The following BPNT2 variants were observed in gnomAD, a reference collection of about 807,000 sequenced individuals.
BPNT2 encodes Golgi-resident adenosine 3',5'-bisphosphate 3'-phosphatase.
Under a neutral mutation model 29.3 loss-of-function variants are expected in BPNT2, and 11 were observed. The ratio of observed to expected loss-of-function variants is 0.38; its 90% CI spans 0.24 to 0.62. The LOEUF is 0.62. BPNT2 is among the 20% of genes least tolerant of loss of function. The pLI, the probability that BPNT2 is intolerant of heterozygous loss-of-function variation, is 0.62. For synonymous variants in BPNT2, 195 were observed against 187.7 expected (o/e 1.04, Z -0.32); for missense variants, 459 against 473.4 (o/e 0.97, Z 0.28).
chr8:56,977,505 T>A (rs1236799310), intron 3 of BPNT2, among the ~76,000 whole-genome samples: 1 of 152,194 alleles, frequency 6.6e-6, no homozygotes, highest in East Asian at 1.9e-4. Context: ...CTCATCTCAA[T>A]GCTTACCTTA....
chr8:56,972,530 C>T (rs1806056709), intron 3 of BPNT2, among the ~76,000 whole-genome samples: 1 of 151,884 alleles, frequency 6.6e-6, no homozygotes, highest in Non-Finnish European at 1.5e-5. Context: ...CTTTTTATCT[C>T]ATATTGAAAA....
intron 1 of BPNT2, among the ~76,000 whole-genome samples, chr8:56,987,991 G>A (rs1585568440): frequency 6.6e-6 from 1 of 151,938 alleles, no homozygotes; most frequent in East Asian, 1.9e-4. Context: ...GCCTCCCAAA[G>A]TACTGGGATT....
intron 1 of BPNT2, among the ~76,000 whole-genome samples, chr8:56,983,281 C>G (rs1243702029): frequency 6.6e-6 from 1 of 151,934 alleles, no homozygotes; most frequent in Non-Finnish European, 1.5e-5. Flanking sequence ...CTAGAGAAGC[C>G]CCTCACTGAA....
intron 1 of BPNT2, 52 bp from the exon 2 acceptor site, chr8:56,980,249 T>G: frequency 7.1e-7 from 1 of 1,400,526 alleles, no homozygotes. Context: ...CAATCACTAT[T>G]TGATAAACTA....
chr8:56,993,522 C>G lies in BPNT2; in HGVS notation c.64G>C (p.Gly22Arg). The change falls in exon 1 of 5, where the codon GGC becomes CGC. Residue 22 changes from glycine (G) to arginine (R), a missense_variant. Coordinates refer to ENST00000262644, the MANE Select transcript of BPNT2 (RefSeq NM_017813.5). Reference sequence around the variant, plus strand: ...CCCGAGTAGAGGTGGTAGAGCACGCCGAGCCCCAGCAGGCAAAACACTGCC... The same window carrying G: ...CCCGAGTAGAGGTGGTAGAGCACGCGGAGCCCCAGCAGGCAAAACACTGCC... ...GVAVFCLLGL[G>R]VLYHLYSGFL... The G allele has an allele frequency of 6.7e-7, 1 of 1,496,150 alleles. No individual in the cohort carries two copies. The highest frequency in any genetic ancestry group is 8.9e-7 in the Non-Finnish European group (1 of 1,122,928). 92.7% of individuals were successfully genotyped at this position (1,496,150 alleles called of 1,614,324 possible). A position where few individuals can be genotyped will look rare whatever the true frequency, so the allele number is the denominator to read the frequency against.
rs774120306 is a variant in BPNT2, at chr8:56,966,380, T to C, written c.647-28A>G. 7 of 1,602,508 alleles carry C rather than the reference T, an allele frequency of 4.4e-6. No individual in the cohort carries two copies. In the African/African-American group the frequency reaches 8.0e-5, roughly 18 times the overall value. On this transcript the variant is annotated intron_variant, in intron 3 of 4. Transcript: ENST00000262644. Reference sequence around the variant, plus strand: ...GAAAAGCAAATATAATATCCATTAATGGCACTGAAGCTTTAAAACTAAAGG... The same window carrying C: ...GAAAAGCAAATATAATATCCATTAACGGCACTGAAGCTTTAAAACTAAAGG...
Position 56,966,431 on chromosome 8 carries a change from T to C in BPNT2, c.647-79A>G, listed in dbSNP as rs2135987. 239,950 of 1,199,078 alleles carry C rather than the reference T, an allele frequency of 0.2. 26,618 individuals carry two copies. The highest frequency in any genetic ancestry group is 0.44 in the East Asian group (18,673 of 42,894). 74.3% of individuals were successfully genotyped at this position (1,199,078 alleles called of 1,614,324 possible). On this transcript the variant is annotated intron_variant, in intron 3 of 4. Transcript: ENST00000262644. ...TTATATTCTTCAGAACCCAAAGTGC[T>C]ATGTATGACTGACAAAATAGCTCTC...
intron 1 of BPNT2, among the ~76,000 whole-genome samples, chr8:56,991,149 T>C (rs1806410414): frequency 6.6e-6 from 1 of 152,200 alleles, no homozygotes; most frequent in Non-Finnish European, 1.5e-5. Context: ...CTCTAGCCTA[T>C]AACACAGGGG....
intron 3 of BPNT2, among the ~76,000 whole-genome samples, chr8:56,977,027 G>A (rs1223750785): frequency 2.0e-5 from 3 of 152,008 alleles, no homozygotes; most frequent in African/African-American, 7.2e-5. Context: ...TTAAAATGTT[G>A]TATAACATTA....
Position 56,989,221 on chromosome 8 carries a change from A to G in BPNT2, c.387+3978T>C, listed in dbSNP as rs572505307. On this transcript the variant is annotated intron_variant, in intron 1 of 4. Coordinates refer to ENST00000262644, the MANE Select transcript of BPNT2 (RefSeq NM_017813.5). ...ACCCCGTCTCTACTAAAAATACAAA[A>G]AATTAGCTGGGCGTGGTGGCGGCAC... 1.2e-4 allele frequency among the ~76,000 whole-genome samples: 19 copies of G among 152,186 alleles called. No individual in the cohort carries two copies. In the East Asian group the frequency reaches 3.7e-3, roughly 29 times the overall value.
intron 3 of BPNT2, among the ~76,000 whole-genome samples, chr8:56,976,726 T>C (rs577998834): frequency 1.3e-5 from 2 of 152,276 alleles, no homozygotes; most frequent in South Asian, 2.1e-4. Context: ...ATTAACTTTG[T>C]CTTTCCATTT....
At chr8:56,977,899 GTTGT>G (rs1806170733) in intron 3 of BPNT2, 147 bp downstream of exon 3, 6 of 644,582 alleles carry the variant, frequency 9.3e-6, no homozygotes, top group Admixed American at 2.4e-5. Context: ...CTACATTTTT[GTTGT>G]TTAAGACACA....
chr8:56,986,411 G>T lies in BPNT2; in HGVS notation c.388-6214C>A, dbSNP rs182559751. ...GATGAGAATAGGTACAGAATAGTAG[G>T]AGTGTTCCGTAATTGTGAGGACAGA... On this transcript the variant is annotated intron_variant, in intron 1 of 4. Transcript: ENST00000262644. Among the ~76,000 whole-genome samples the T allele has an allele frequency of 2.2e-4, 33 of 152,318 alleles. No individual in the cohort carries two copies. The East Asian group carries it at 6.0e-3, about 28-fold the overall frequency.
At chr8:56,974,128 GCTTA>G (rs1806085884) in intron 3 of BPNT2, among the ~76,000 whole-genome samples, 1 of 152,092 alleles carries the variant, frequency 6.6e-6, no homozygotes, top group African/African-American at 2.4e-5. Context: ...CTTTCCTCTA[GCTTA>G]CTTTATTGTA....
At chr8:56,965,838 C>G (rs1162698965) in intron 4 of BPNT2, among the ~76,000 whole-genome samples, 2 of 152,156 alleles carry the variant, frequency 1.3e-5, no homozygotes, top group Non-Finnish European at 2.9e-5. Flanking sequence ...CCATATGAAG[C>G]ATCTTAAGTG....
chr8:56,964,017 T>C lies in BPNT2; in HGVS notation c.856A>G (p.Lys286Glu), dbSNP rs112433249. 20,076 of 1,608,170 alleles carry C rather than the reference T, an allele frequency of 0.012. 163 individuals are homozygous for C. The highest frequency in any genetic ancestry group is 0.015 in the South Asian group (1,321 of 90,430). The change falls in exon 5 of 5, where the codon AAA (lysine) becomes GAA (glutamate). Residue 286 changes from lysine (K) to glutamate (E), a missense_variant. Coordinates refer to ENST00000262644, the MANE Select transcript of BPNT2 (RefSeq NM_017813.5). The part of the protein sequence containing the change: ...LLDVPDKSQE[K>E]ADLYIHVTYI... ...GTCACATGGATGTATAAATCAGCTTTTTCTTGACTCTTATCAGGCACATCC... is the reference window on the plus strand; with the variant it reads ...GTCACATGGATGTATAAATCAGCTTCTTCTTGACTCTTATCAGGCACATCC...
intron 4 of BPNT2, among the ~76,000 whole-genome samples, chr8:56,965,214 G>A (rs569159666): frequency 2.6e-5 from 4 of 152,232 alleles, no homozygotes; most frequent in South Asian, 2.1e-4. Context: ...AGCTACTCGG[G>A]AGGCTGAGGC....
chr8:56,981,333 G>A (rs887506630), intron 1 of BPNT2, among the ~76,000 whole-genome samples: 14 of 152,236 alleles, frequency 9.2e-5, no homozygotes, highest in Non-Finnish European at 1.5e-4. Flanking sequence ...TCGGGAGGCC[G>A]AGGCGGCTGG....
At chr8:56,967,490 A>T (rs1805970795) in intron 3 of BPNT2, among the ~76,000 whole-genome samples, 1 of 152,166 alleles carries the variant, frequency 6.6e-6, no homozygotes, top group Admixed American at 6.5e-5. Context: ...GATTATAGCA[A>T]GAGCTTCACA....
Sources: gnomAD v4.1 joint callset for allele counts (sites outside exome capture counted in the v4.1 genomes callset) on GRCh38, gnomAD v4.1.1 for gene constraint, MANE v1.5 for transcripts, NCBI Gene and HGNC (gene_info 2026-07-23, HGNC 2026-07-21) for gene names.